The following SEPTIN14 variants were observed in gnomAD, a reference collection of about 807,000 sequenced individuals.
SEPTIN14 encodes the protein septin 14.
A neutral mutation model predicts 53.6 loss-of-function variants in SEPTIN14; 40 were observed. The ratio of observed to expected loss-of-function variants is 0.75; its 90% CI spans 0.58 to 0.97. The LOEUF (loss-of-function observed/expected upper bound fraction) is 0.97. Among genes scored for constraint, SEPTIN14 ranks in the 50% least tolerant of loss-of-function variants. The pLI is 0.00. For missense variants in SEPTIN14, 471 were observed against 508.2 expected (o/e 0.93, Z 0.70); for synonymous variants, 138 against 166.8 (o/e 0.83, Z 1.33).
intron 3 of SEPTIN14, among the ~76,000 whole-genome samples, chr7:55,846,286 C>A (rs142405391): frequency 2.7e-5 from 4 of 148,240 alleles, no homozygotes; most frequent in Non-Finnish European, 6.0e-5. Flanking sequence ...TGAGCCCAGG[C>A]GGCTGAGGCT....
At chr7:55,834,279 A>T (rs940418257) in intron 6 of SEPTIN14, 146 bp downstream of exon 6, 51 of 540,116 alleles carry the variant, frequency 9.4e-5, no homozygotes, top group Middle Eastern at 5.0e-4. Context: ...AACATGCTGT[A>T]TGAATTAAAT....
intron 4 of SEPTIN14, 137 bp downstream of exon 4, chr7:55,844,386 T>C (rs1163240838): frequency 2.2e-6 from 1 of 445,874 alleles, no homozygotes; most frequent in East Asian, 3.4e-5. Flanking sequence ...ATTAATCTTA[T>C]AAGAAAAGAA....
chr7:55,815,275 T>A (rs975120894), intron 7 of SEPTIN14, among the ~76,000 whole-genome samples: 1 of 151,970 alleles, frequency 6.6e-6, no homozygotes, highest in Non-Finnish European at 1.5e-5. Flanking sequence ...AATAGACAAA[T>A]GGGATCACCT....
At chr7:55,808,961 C>T (rs1788650919) in intron 7 of SEPTIN14, among the ~76,000 whole-genome samples, 3 of 152,096 alleles carry the variant, frequency 2.0e-5, no homozygotes, top group African/African-American at 4.8e-5. Context: ...GACACAGGCA[C>T]GTGTATGTTC....
chr7:55,806,980 G>T, intron 8 of SEPTIN14, 110 bp downstream of exon 8: 1 of 771,080 alleles, frequency 1.3e-6, no homozygotes, highest in Non-Finnish European at 2.0e-6. Flanking sequence ...TCTTTATGAT[G>T]GCTCAAGATG....
At chr7:55,826,010 G>A (rs976939750) in intron 6 of SEPTIN14, among the ~76,000 whole-genome samples, 14 of 151,918 alleles carry the variant, frequency 9.2e-5, no homozygotes, top group Non-Finnish European at 1.9e-4. Context: ...GCTGAGGCAG[G>A]AGAATGGCGT....
At chr7:55,838,075 A>G (rs1236583534) in intron 5 of SEPTIN14, among the ~76,000 whole-genome samples, 2 of 152,114 alleles carry the variant, frequency 1.3e-5, no homozygotes, top group Non-Finnish European at 2.9e-5. Flanking sequence ...GATTTTCTGT[A>G]CAATAAAACC....
At chr7:55,833,113 G>A (rs921341417) in intron 6 of SEPTIN14, among the ~76,000 whole-genome samples, 15 of 152,040 alleles carry the variant, frequency 9.9e-5, no homozygotes, top group Admixed American at 5.2e-4. Context: ...TCAGGAGTTC[G>A]AGAAAGCCTG....
chr7:55,820,544 C>CAT (rs941670330), intron 6 of SEPTIN14, among the ~76,000 whole-genome samples: 4 of 152,182 alleles, frequency 2.6e-5, no homozygotes, highest in African/African-American at 9.7e-5. Context: ...GATCCCATAG[C>CAT]ATAGATAACA....
intron 6 of SEPTIN14, among the ~76,000 whole-genome samples, chr7:55,824,558 G>A (rs1479152043): frequency 5.3e-5 from 8 of 151,784 alleles, no homozygotes; most frequent in Admixed American, 1.3e-4. Context: ...TGAGGTAGGC[G>A]GATCACCTGA....
At chr7:55,831,580 C>T in intron 6 of SEPTIN14, among the ~76,000 whole-genome samples, 1 of 152,148 alleles carries the variant, frequency 6.6e-6, no homozygotes, top group East Asian at 1.9e-4. Context: ...TAATTCATAA[C>T]TTAGACCTGA....
chr7:55,807,423 CTATACATACCAA>C (rs1442172787), intron 7 of SEPTIN14, among the ~76,000 whole-genome samples, 165 bp from the exon 8 acceptor site: 1 of 152,106 alleles, frequency 6.6e-6, no homozygotes, highest in African/African-American at 2.4e-5. Flanking sequence ...TGTGGTTGTA[CTATACATACCAA>C]CCATAGGCAG....
At chr7:55,817,599 A>G (rs1375152917) in intron 7 of SEPTIN14, among the ~76,000 whole-genome samples, 1 of 151,568 alleles carries the variant, frequency 6.6e-6, no homozygotes, top group Non-Finnish European at 1.5e-5. Flanking sequence ...CCTCCCAAGT[A>G]GCTGGGACTA....
chr7:55,813,673 T>C (rs1788744666), intron 7 of SEPTIN14, among the ~76,000 whole-genome samples: 1 of 151,412 alleles, frequency 6.6e-6, no homozygotes, highest in African/African-American at 2.4e-5. Flanking sequence ...AAAGGAAGAT[T>C]AGAAGAGAAC....
At chr7:55,811,798 ATT>A (rs879468645) in intron 7 of SEPTIN14, among the ~76,000 whole-genome samples, 1 of 118,744 alleles carries the variant, frequency 8.4e-6, no homozygotes, top group African/African-American at 3.2e-5. Context: ...CGCACCCAGC[ATT>A]TTTTTTTTTT....
In SEPTIN14 at chr7:55,821,538, C is replaced by T. The variant is rs142086810; in HGVS notation, c.721-2315G>A. On this transcript the variant is annotated intron_variant, in intron 6 of 9. Coordinates refer to ENST00000388975, the MANE Select transcript of SEPTIN14 (RefSeq NM_207366.3). Reference sequence around the variant, plus strand: ...AAAGACCAAAGTTAGAGGTCTCACACTTCTAGAATTCAAAACATATTACAA... The same window carrying T: ...AAAGACCAAAGTTAGAGGTCTCACATTTCTAGAATTCAAAACATATTACAA... Among the ~76,000 whole-genome samples the T allele has an allele frequency of 1.1e-3, 166 of 152,302 alleles. 2 individuals are homozygous for T. Among genetic ancestry groups the T allele is most frequent in the African/African-American group, 3.8e-3 (159 of 41,566 alleles).
chr7:55,796,154 A>G, intron 9 of SEPTIN14, 62 bp from the exon 10 acceptor site: 1 of 1,079,394 alleles, frequency 9.3e-7, no homozygotes, highest in Non-Finnish European at 1.4e-6. Context: ...CCAAAAGAAT[A>G]TGCTTTTTTC....
chr7:55,805,118 A>G, intron 9 of SEPTIN14, 140 bp downstream of exon 9: 1 of 666,788 alleles, frequency 1.5e-6, no homozygotes, highest in South Asian at 2.0e-5. Context: ...GCTATATTCA[A>G]GTCTACATGG....
chr7:55,841,237 G>C (rs1789306699), intron 5 of SEPTIN14, among the ~76,000 whole-genome samples: 1 of 152,062 alleles, frequency 6.6e-6, no homozygotes, highest in African/African-American at 2.4e-5. Context: ...TGAATTTCTG[G>C]ATTCAGGGGA....
Sources: allele counts gnomAD v4.1 joint callset (sites outside exome capture counted in the v4.1 genomes callset), GRCh38; gene constraint gnomAD v4.1.1; transcripts MANE v1.5; gene names NCBI Gene and HGNC (gene_info 2026-07-23, HGNC 2026-07-21).